ZNF674: variants seen among roughly 807,000 people sequenced by gnomAD.
ZNF674 encodes the protein zinc finger family member 674.
In ZNF674, 2 loss-of-function variants were observed where a neutral mutation model predicts 7.0. That is an observed-to-expected ratio of 0.29 (90% CI 0.12 to 0.90). ZNF674 has a LOEUF of 0.90. ZNF674 is among the 40% of genes least tolerant of loss of function. The probability of loss-of-function intolerance (pLI) is 0.57; values close to 1 mark genes in which losing one functional copy is unlikely to be tolerated. For synonymous variants in ZNF674, 103 were observed against 145.2 expected (o/e 0.71, Z 2.09); for missense variants, 297 against 415.5 (o/e 0.71, Z 2.48).
At chrX:46,511,166 G>T (rs369302328) in intron 5 of ZNF674, among the ~76,000 whole-genome samples, 1 of 111,712 alleles carries the variant, frequency 9.0e-6, no homozygotes, top group African/African-American at 3.2e-5. Flanking sequence ...ATTAAACATT[G>T]TACTACAGGT....
At chrX:46,541,372 A>AAAAAAG (rs1185166640) in intron 3 of ZNF674, among the ~76,000 whole-genome samples, 2 of 110,577 alleles carry the variant, frequency 1.8e-5, no homozygotes, top group Non-Finnish European at 1.9e-5. Context: ...AAAAAAAAAA[A>AAAAAAG]AAAAAGAAAA....
intron 5 of ZNF674, chrX:46,517,773 A>T (rs1477475709): frequency 8.9e-6 from 1 of 112,099 alleles, no homozygotes; most frequent in African/African-American, 3.2e-5. Context: ...ACTGTCTAAA[A>T]TTGGAACATA....
rs1942141705 is a variant in ZNF674, at chrX:46,533,355, C to T, written c.16-4446G>A. 2.7e-5 allele frequency among the ~76,000 whole-genome samples: 3 copies of T among 111,015 alleles called. No homozygotes were observed. The Admixed American group carries it at 2.9e-4, about 11-fold the overall frequency. On this transcript the variant is annotated intron_variant, in intron 3 of 5. Coordinates refer to ENST00000683375, the MANE Select transcript of ZNF674 (RefSeq NM_001190417.2). ...TTGATTTGAGTAATAACTCCATCTC[C>T]CATGTGGCATGGCCAGACTTACATC...
intron 3 of ZNF674, 128 bp downstream of exon 3, chrX:46,541,945 G>A: frequency 3.5e-6 from 2 of 574,195 alleles, no homozygotes; most frequent in Non-Finnish European, 5.8e-6. Flanking sequence ...GAAACCAGAG[G>A]CTGAGGACAA....
chrX:46,510,554 C>T (rs180713940), intron 5 of ZNF674, among the ~76,000 whole-genome samples: 13 of 111,952 alleles, frequency 1.2e-4, no homozygotes, highest in Non-Finnish European at 1.9e-4. Flanking sequence ...TTTGGGAGGC[C>T]GAAGTGGGTG....
chrX:46,500,227 T>C lies in ZNF674; in HGVS notation c.1347A>G (p.Ser449=), dbSNP rs1454559455. 8.3e-7 allele frequency: 1 copy of C among 1,209,518 alleles called. No homozygotes were observed. Residue 449 remains serine, a synonymous_variant, in exon 6 of 6, where the codon TCA becomes TCG. Transcript: ENST00000683375. The stretch of plus-strand genomic sequence containing the variant: ...GCATTCTCTGATGTACAATAAGGGT[T>C]GACTTCTCCCCAAAGGCTTTCCCAC... The part of the protein sequence containing the change: ...RRCGKAFGEK[S]TLIVHQRMHT...
intron 3 of ZNF674, chrX:46,529,168 G>A (rs1488830954): frequency 1.2e-5 from 5 of 434,222 alleles, no homozygotes; most frequent in Non-Finnish European, 2.0e-5. Context: ...CATCCACGCT[G>A]GCCTTTCTTT....
At chrX:46,505,034 T>C (rs998409195) in intron 5 of ZNF674, among the ~76,000 whole-genome samples, 1 of 109,720 alleles carries the variant, frequency 9.1e-6, no homozygotes, top group Non-Finnish European at 1.9e-5. Context: ...GGATTACAGG[T>C]GCACACCACC....
In ZNF674 at chrX:46,500,528, C is replaced by G. The variant is rs1941400252; in HGVS notation, c.1046G>C (p.Ser349Thr). Reference sequence around the variant, plus strand: ...ATGTTCACTGCACTGAGGTTTCTCACTTGTGTGAATTCTTTGATATATAAG... The same window carrying G: ...ATGTTCACTGCACTGAGGTTTCTCAGTTGTGTGAATTCTTTGATATATAAG... The part of the protein sequence containing the change: ...SSLIYQRIHT[S>T]EKPQCSEHGK... Residue 349 changes from serine to threonine, a missense_variant, in exon 6 of 6, where the codon AGT becomes ACT. Ser to Thr is a moderately conservative substitution (Grantham distance 58). Coordinates refer to ENST00000683375, the MANE Select transcript of ZNF674 (RefSeq NM_001190417.2). 8.3e-7 allele frequency: 1 copy of G among 1,210,173 alleles called. No homozygotes were observed. The highest frequency in any genetic ancestry group is 1.1e-6 in the Non-Finnish European group (1 of 894,900).
chrX:46,516,789 G>A (rs780354727), intron 5 of ZNF674, among the ~76,000 whole-genome samples: 4 of 112,122 alleles, frequency 3.6e-5, no homozygotes, highest in Non-Finnish European at 7.5e-5. Flanking sequence ...TTGAGGTCAG[G>A]AGTTCAGGAC....
intron 3 of ZNF674, 136 bp from the exon 4 acceptor site, chrX:46,529,045 C>T (rs747429511): frequency 9.2e-7 from 1 of 1,091,524 alleles, no homozygotes; most frequent in East Asian, 3.2e-5. Flanking sequence ...TCTTCGCCGC[C>T]ACCCTAGAAG....
intron 5 of ZNF674, among the ~76,000 whole-genome samples, chrX:46,511,578 A>G (rs751296797): frequency 2.9e-4 from 32 of 112,148 alleles, no homozygotes; most frequent in Non-Finnish European, 5.3e-4. Context: ...CCCACTCCCA[A>G]CTCATTTCTA....
chrX:46,532,682 C>T (rs1421570740), intron 3 of ZNF674, among the ~76,000 whole-genome samples: 1 of 111,565 alleles, frequency 9.0e-6, no homozygotes, highest in Non-Finnish European at 1.9e-5. Flanking sequence ...TACCCTTAAT[C>T]ATTCCTCGGC....
intron 5 of ZNF674, among the ~76,000 whole-genome samples, chrX:46,524,460 G>A (rs1941970411): frequency 9.1e-6 from 1 of 110,012 alleles, no homozygotes; most frequent in Admixed American, 9.8e-5. Flanking sequence ...GGCCAAAGCG[G>A]GTGGATCACC....
chrX:46,524,112 A>C (rs1244607477), intron 5 of ZNF674, among the ~76,000 whole-genome samples: 1 of 111,632 alleles, frequency 9.0e-6, no homozygotes, highest in African/African-American at 3.3e-5. Context: ...AGATGTTTTC[A>C]CTGATGAAGT....
Position 46,542,065 on chromosome X carries a change from G to C in ZNF674, c.15+8C>G, listed in dbSNP as rs1449082321. On this transcript the variant is annotated splice_region_variant and intron_variant, in intron 3 of 5. Coordinates refer to ENST00000683375, the MANE Select transcript of ZNF674 (RefSeq NM_001190417.2). ...CTGGAAAAAAAGTAGGGGTACATTA[G>C]AACTCACCTGGGACATGGCCATCTT... 8.3e-7 allele frequency: 1 copy of C among 1,203,925 alleles called. No individual in the cohort carries two copies. Among genetic ancestry groups the C allele is most frequent in the Admixed American group, 2.2e-5 (1 of 45,831 alleles).
chrX:46,520,153 G>T (rs996660103), intron 5 of ZNF674, among the ~76,000 whole-genome samples: 5 of 111,621 alleles, frequency 4.5e-5, no homozygotes, highest in Non-Finnish European at 9.4e-5. Context: ...TGTAATCCCA[G>T]CACTTTGGGA....
intron 5 of ZNF674, among the ~76,000 whole-genome samples, chrX:46,510,597 T>C (rs1017404864): frequency 8.9e-6 from 1 of 111,913 alleles, no homozygotes; most frequent in African/African-American, 3.2e-5. Context: ...AAGACCAGCC[T>C]GGCCAACACG....
At chrX:46,527,520 A>G (rs996283678) in intron 5 of ZNF674, among the ~76,000 whole-genome samples, 2 of 110,836 alleles carry the variant, frequency 1.8e-5, no homozygotes, top group African/African-American at 3.3e-5. Flanking sequence ...TTGCTAGCGG[A>G]AAAAAAAAGT....
Sources: allele counts gnomAD v4.1 joint callset (sites outside exome capture counted in the v4.1 genomes callset), GRCh38; gene constraint gnomAD v4.1.1; transcripts MANE v1.5; gene names NCBI Gene and HGNC (gene_info 2026-07-23, HGNC 2026-07-21).